The following WDR49 variants were observed in gnomAD, a reference collection of about 807,000 sequenced individuals.
The protein encoded by WDR49 is WD repeat domain 49.
WDR49 carries 107 observed loss-of-function variants against 119.5 expected under a neutral mutation model. That is an observed-to-expected ratio of 0.90 (90% CI 0.77 to 1.05). WDR49 has a LOEUF of 1.05. WDR49 is among the 50% of genes least tolerant of loss of function. The pLI, the probability that WDR49 is intolerant of heterozygous loss-of-function variation, is 0.00. For missense variants in WDR49, 1,240 were observed against 1,220.5 expected, an observed-to-expected ratio of 1.02 and a Z score of -0.24; for synonymous variants, 425 against 418.8, an observed-to-expected ratio of 1.01 and a Z score of -0.18.
intron 11 of WDR49, among the ~76,000 whole-genome samples, chr3:167,536,123 A>AG (rs1753012566): frequency 6.6e-6 from 1 of 152,122 alleles, no homozygotes; most frequent in Non-Finnish European, 1.5e-5. Context: ...GTAAAAAGCT[A>AG]GTTATATGGG....
At chr3:167,539,849 AAAGT>A (rs1711678269) in intron 10 of WDR49, among the ~76,000 whole-genome samples, 2 of 152,176 alleles carry the variant, frequency 1.3e-5, no homozygotes, top group Non-Finnish European at 2.9e-5. Context: ...CTTCTATTAT[AAAGT>A]AAGTTCTAGA....
chr3:167,480,076 CA>C (rs1222650590), intron 18 of WDR49, among the ~76,000 whole-genome samples: 1 of 151,042 alleles, frequency 6.6e-6, no homozygotes, highest in African/African-American at 2.4e-5. Context: ...ACCAAAAATA[CA>C]AAAAAATAAG....
At chr3:167,586,403 T>C (rs1214812403) in intron 7 of WDR49, among the ~76,000 whole-genome samples, 4 of 152,148 alleles carry the variant, frequency 2.6e-5, no homozygotes, top group Non-Finnish European at 4.4e-5. Flanking sequence ...CAAAATACGA[T>C]TGAACTCTTT....
At position 167,549,349 on chromosome 3, in the gene WDR49, C is replaced by T. The variant is rs1351118088; in HGVS notation, c.1823+5301G>A. On this transcript the variant is annotated intron_variant, in intron 10 of 18. Coordinates refer to ENST00000682715, the MANE Select transcript of WDR49 (RefSeq NM_001366157.1). ...TCCTATTTCTCCACATCCTCTCCAG[C>T]ACCTGTTGTTTCCTGACTTTTTAAC... Among the ~76,000 whole-genome samples the T allele has an allele frequency of 3.3e-5, 5 of 152,162 alleles. No individual in the cohort carries two copies. The South Asian group carries it at 6.2e-4, about 19-fold the overall frequency.
intron 9 of WDR49, among the ~76,000 whole-genome samples, chr3:167,557,278 T>G (rs1449227980): frequency 6.6e-6 from 1 of 152,150 alleles, no homozygotes; most frequent in Non-Finnish European, 1.5e-5. Context: ...TGATTAAAAA[T>G]TGGCTTAAAA....
At chr3:167,588,797 T>C (rs1365848859) in intron 7 of WDR49, among the ~76,000 whole-genome samples, 1 of 152,154 alleles carries the variant, frequency 6.6e-6, no homozygotes, top group Non-Finnish European at 1.5e-5. Context: ...AGATTTTTTT[T>C]CCTAGAATTG....
intron 7 of WDR49, among the ~76,000 whole-genome samples, chr3:167,598,181 T>C (rs1451742349): frequency 6.6e-6 from 1 of 151,948 alleles, no homozygotes; most frequent in Non-Finnish European, 1.5e-5. Context: ...GGCAGGTGCC[T>C]GTAGTCTCAG....
At position 167,587,980 on chromosome 3, in the gene WDR49, A is replaced by C. The variant is rs180681778; in HGVS notation, c.1276-11829T>G. ...CCAATTATATTATGTTAGATATTGT[A>C]AATGTACAATTAAACTATTTTTTAC... On this transcript the variant is annotated intron_variant, in intron 7 of 18. Coordinates refer to ENST00000682715, the MANE Select transcript of WDR49 (RefSeq NM_001366157.1). Among the ~76,000 whole-genome samples the C allele has an allele frequency of 4.6e-3, 705 of 152,244 alleles. 6 individuals are homozygous for C. Among genetic ancestry groups the C allele is most frequent in the Non-Finnish European group, 5.9e-3 (404 of 68,014 alleles).
At chr3:167,591,832 T>C (rs1052368494) in intron 7 of WDR49, among the ~76,000 whole-genome samples, 2 of 152,130 alleles carry the variant, frequency 1.3e-5, no homozygotes, top group Non-Finnish European at 2.9e-5. Context: ...GGGTCTTGTT[T>C]TTTTTTATCC....
chr3:167,574,019 C>A (rs1283041335), intron 8 of WDR49, among the ~76,000 whole-genome samples: 4 of 152,208 alleles, frequency 2.6e-5, no homozygotes, highest in African/African-American at 9.6e-5. Context: ...TGGCCTCAGG[C>A]AGAATTGATC....
intron 3 of WDR49, among the ~76,000 whole-genome samples, chr3:167,623,733 A>G (rs574788130): frequency 6.6e-6 from 1 of 152,138 alleles, no homozygotes; most frequent in Admixed American, 6.6e-5. Context: ...ATTTTAAAAT[A>G]TCAATATTAA....
chr3:167,484,512 C>T lies in WDR49; in HGVS notation c.3032-5516G>A, dbSNP rs547714495. On this transcript the variant is annotated intron_variant, in intron 18 of 18. Transcript: ENST00000682715. ...AAAGTTTCTGCCTGTGCCGAGCCTG[C>T]CATGATCTTTTCTTCTTGAGTTAGT... 4.6e-5 allele frequency among the ~76,000 whole-genome samples: 7 copies of T among 152,102 alleles called. No homozygotes were observed. The East Asian group carries it at 9.7e-4, about 21-fold the overall frequency.
At chr3:167,531,033 C>A in intron 13 of WDR49, 82 bp downstream of exon 13, 1 of 1,443,404 alleles carries the variant, frequency 6.9e-7, no homozygotes, top group Non-Finnish European at 9.3e-7. Context: ...CAGTCAAATT[C>A]TACAAGATCT....
At chr3:167,533,106 T>G (rs961651303) in intron 11 of WDR49, 129 bp from the exon 12 acceptor site, 23 of 549,220 alleles carry the variant, frequency 4.2e-5, no homozygotes, top group African/African-American at 4.2e-4. Context: ...GCACTCTATA[T>G]TTTTAGAAAC....
chr3:167,542,146 T>C (rs1388789133), intron 10 of WDR49, among the ~76,000 whole-genome samples: 2 of 152,058 alleles, frequency 1.3e-5, no homozygotes, highest in Non-Finnish European at 2.9e-5. Context: ...GAAACAATTA[T>C]TAGTAGACAT....
chr3:167,520,253 A>C (rs1244033049), intron 16 of WDR49, among the ~76,000 whole-genome samples: 2 of 152,130 alleles, frequency 1.3e-5, no homozygotes, highest in Non-Finnish European at 2.9e-5. Context: ...CAAAAAAAAA[A>C]AAATGTTTAA....
chr3:167,608,919 A>G (rs1419473553), intron 5 of WDR49, among the ~76,000 whole-genome samples: 1 of 152,220 alleles, frequency 6.6e-6, no homozygotes, highest in East Asian at 1.9e-4. Flanking sequence ...CCACACAGTC[A>G]TAAAAAAAGA....
chr3:167,520,054 C>G (rs945356854), intron 16 of WDR49, among the ~76,000 whole-genome samples: 2 of 149,540 alleles, frequency 1.3e-5, no homozygotes, highest in Admixed American at 1.3e-4. Flanking sequence ...AGCAACATGA[C>G]AAAACCTCAT....
intron 16 of WDR49, among the ~76,000 whole-genome samples, chr3:167,514,011 G>A (rs1413128246): frequency 6.6e-6 from 1 of 152,120 alleles, no homozygotes; most frequent in Non-Finnish European, 1.5e-5. Flanking sequence ...CAATCATAGT[G>A]GGAAACTTTA....
Sources: allele counts gnomAD v4.1 joint callset (sites outside exome capture counted in the v4.1 genomes callset), GRCh38; gene constraint gnomAD v4.1.1; transcripts MANE v1.5; gene names NCBI Gene and HGNC (gene_info 2026-07-23, HGNC 2026-07-21).